PCNX1: variants seen among roughly 807,000 people sequenced by gnomAD.
PCNX1 encodes the protein pecanex-like protein 1.
PCNX1 carries 78 observed loss-of-function variants against 242.2 expected under a neutral mutation model. The observed-to-expected ratio is 0.32, with a 90% CI of 0.27 to 0.39. The LOEUF (loss-of-function observed/expected upper bound fraction) is 0.39, where lower values mean the gene tolerates loss of function less well. Ranked by LOEUF, PCNX1 falls within the 10% of genes least tolerant of loss-of-function variation. The probability of loss-of-function intolerance (pLI) is 1.00; values close to 1 mark genes in which losing one functional copy is unlikely to be tolerated. For synonymous variants in PCNX1, 1,024 were observed against 1,032.9 expected, an observed-to-expected ratio of 0.99 and a Z score of 0.17; for missense variants, 2,581 against 2,856.5, an observed-to-expected ratio of 0.90 and a Z score of 2.20.
intron 5 of PCNX1, among the ~76,000 whole-genome samples, chr14:70,976,354 C>CTCTTTCTT (rs370904774): frequency 2.2e-5 from 3 of 139,422 alleles, no homozygotes; most frequent in African/African-American, 8.1e-5. Context: ...TCCTTTGTTG[C>CTCTTTCTT]TCTTTCTTTC....
intron 1 of PCNX1, among the ~76,000 whole-genome samples, chr14:70,923,160 G>C (rs2056445324): frequency 6.6e-6 from 1 of 151,786 alleles, no homozygotes; most frequent in Non-Finnish European, 1.5e-5. Context: ...CTGAAACGTT[G>C]TTTTTCTGTG....
intron 1 of PCNX1, 173 bp from the exon 2 acceptor site, chr14:70,946,742 A>T (rs746743056): frequency 6.9e-6 from 4 of 575,762 alleles, no homozygotes; most frequent in Non-Finnish European, 1.2e-5. Flanking sequence ...AGCCACATGT[A>T]GCTAGTGTCT....
intron 19 of PCNX1, among the ~76,000 whole-genome samples, chr14:71,039,567 A>G (rs1361445180): frequency 6.6e-6 from 1 of 152,192 alleles, no homozygotes; most frequent in South Asian, 2.1e-4. Context: ...CATTTCTTCC[A>G]TATTCTGTTG....
At position 71,009,722 on chromosome 14, in the gene PCNX1, C is replaced by A; in HGVS notation, c.2718C>A (p.Ile906=). 6.4e-7 allele frequency: 1 copy of A among 1,574,534 alleles called. No individual in the cohort carries two copies. The change falls in exon 9 of 36, where the codon ATC becomes ATA. Residue 906 remains isoleucine (I), a splice_region_variant and synonymous_variant. Coordinates refer to ENST00000304743, the MANE Select transcript of PCNX1 (RefSeq NM_014982.3). ...FEPAARRASN[I]CDTDSHVSSS... is the part of the protein sequence containing the mutation. ...CAGCAGCAAGAAGAGCATCCAATAT[C>A]TGGTATGTGTGAAGTCATATTAGGA...
intron 1 of PCNX1, among the ~76,000 whole-genome samples, chr14:70,936,767 A>G (rs898817158): frequency 3.3e-5 from 5 of 152,080 alleles, no homozygotes; most frequent in African/African-American, 7.2e-5. Flanking sequence ...AAGTGTTCCT[A>G]TTTCTCCACA....
chr14:70,927,734 C>T (rs1012782234), intron 1 of PCNX1, among the ~76,000 whole-genome samples: 1 of 151,928 alleles, frequency 6.6e-6, no homozygotes, highest in Non-Finnish European at 1.5e-5. Context: ...AGATTACAGG[C>T]GTGCACCACC....
At chr14:71,092,277 C>T (rs2062154987) in intron 30 of PCNX1, among the ~76,000 whole-genome samples, 1 of 152,208 alleles carries the variant, frequency 6.6e-6, no homozygotes, top group African/African-American at 2.4e-5. Context: ...ACCTTTTCAT[C>T]TCATGTTGAA....
chr14:70,914,702 C>T (rs1297373458), intron 1 of PCNX1, among the ~76,000 whole-genome samples: 1 of 152,180 alleles, frequency 6.6e-6, no homozygotes, highest in African/African-American at 2.4e-5. Flanking sequence ...GTGTCTCTAT[C>T]TGTTTTATTC....
In PCNX1 at chr14:70,977,517, A is replaced by G; in HGVS notation, c.1180A>G (p.Asn394Asp). 1 of 1,614,216 alleles carries G rather than the reference A, an allele frequency of 6.2e-7. No individual in the cohort carries two copies. Among genetic ancestry groups the G allele is most frequent in the Non-Finnish European group, 8.5e-7 (1 of 1,180,036 alleles). The change falls in exon 6 of 36, where the codon AAC becomes GAC. Residue 394 changes from asparagine to aspartate, a missense_variant. Asn to Asp is a conservative substitution (Grantham distance 23). Coordinates refer to ENST00000304743, the MANE Select transcript of PCNX1 (RefSeq NM_014982.3). ...SYCSGTDRDT[N>D]STVSSYKSEQ... is the part of the protein sequence containing the mutation. ...CTGCAGTGGAACGGACCGGGACACT[A>G]ACAGTACTGTCAGCAGCTATAAAAG...
intron 24 of PCNX1, among the ~76,000 whole-genome samples, chr14:71,053,004 A>G (rs1285637794): frequency 1.3e-5 from 2 of 152,220 alleles, no homozygotes; most frequent in Non-Finnish European, 1.5e-5. Flanking sequence ...CATCTCCATG[A>G]CTGCCTTTCT....
chr14:71,010,327 C>CG (rs1595229420), intron 9 of PCNX1, among the ~76,000 whole-genome samples: 1 of 152,142 alleles, frequency 6.6e-6, no homozygotes, highest in East Asian at 1.9e-4. Context: ...TAAGTTCTTA[C>CG]ATAACTAAGT....
chr14:71,045,943 A>AAT (rs1343468809), intron 20 of PCNX1, among the ~76,000 whole-genome samples: 8 of 152,102 alleles, frequency 5.3e-5, no homozygotes, highest in Admixed American at 4.6e-4. Context: ...CATTATCTGT[A>AAT]ATATATTGTA....
chr14:71,050,667 T>C lies in PCNX1; in HGVS notation c.4354T>C (p.Tyr1452His). The C allele has an allele frequency of 1.2e-6, 2 of 1,605,876 alleles. No individual in the cohort carries two copies. The highest frequency in any genetic ancestry group is 1.7e-6 in the Non-Finnish European group (2 of 1,176,540). Residue 1452 changes from tyrosine to histidine, a missense_variant, in exon 23 of 36, where the codon TAT becomes CAT. Tyr to His is a moderately conservative substitution (Grantham distance 83). This residue lies in a region of PCNX1 where 99 missense variants were observed against 147.3 expected (regional missense o/e 0.67). Coordinates refer to ENST00000304743, the MANE Select transcript of PCNX1 (RefSeq NM_014982.3). Reference sequence around the variant, plus strand: ...CCTCCTGCAGCTTTGGGAACTACTTTATAAATTGCAGTTTGTGTATACCTA... The same window carrying C: ...CCTCCTGCAGCTTTGGGAACTACTTCATAAATTGCAGTTTGTGTATACCTA... Reference protein sequence around the residue: ...ILFNKLWELLYKLQFVYTYIA... With the variant: ...ILFNKLWELLHKLQFVYTYIA...
Position 71,108,869 on chromosome 14 carries a change from C to T in PCNX1, c.6567C>T (p.Gly2189=), listed in dbSNP as rs7155713. Residue 2189 remains glycine, a synonymous_variant, in exon 34 of 36, where the codon GGC becomes GGT. Coordinates refer to ENST00000304743, the MANE Select transcript of PCNX1 (RefSeq NM_014982.3). The stretch of plus-strand genomic sequence containing the variant: ...GCGGCCTGGCCTGTGTGCAGCACGG[C>T]CTGCCTTCCTCCAGCAGCTCCAGCC... ...GQSGLACVQH[G]LPSSSSSSQS... is the part of the protein sequence containing the mutation. 6.2e-7 allele frequency: 1 copy of T among 1,614,122 alleles called. No individual in the cohort carries two copies. Among genetic ancestry groups the T allele is most frequent in the Non-Finnish European group, 8.5e-7 (1 of 1,180,052 alleles).
chr14:70,929,299 C>T (rs2056703546), intron 1 of PCNX1, among the ~76,000 whole-genome samples: 1 of 151,954 alleles, frequency 6.6e-6, no homozygotes, highest in South Asian at 2.1e-4. Context: ...CTCTAGTCTA[C>T]CATATGACTA....
Position 71,115,366 on chromosome 14 carries a change from ATT to A in PCNX1, c.*5438_*5439del, listed in dbSNP as rs796396368. 4 of 152,506 alleles carry A rather than the reference ATT, an allele frequency of 2.6e-5. No homozygotes were observed. The highest frequency in any genetic ancestry group is 9.7e-5 in the African/African-American group (4 of 41,398). The allele number at this position is 152,506 out of a possible 1,614,324, so 9.4% of individuals were successfully genotyped here. A position where few individuals can be genotyped will look rare whatever the true frequency, so the allele number is the denominator to read the frequency against. ...AGTGGATAAAACACTGAGGAAATAA[ATT>A]TTTTTTCATTTTGCCTTCTGTCCAT... On this transcript the variant is annotated 3_prime_UTR_variant, in exon 36 of 36. Transcript: ENST00000304743.
At chr14:70,917,596 T>C (rs1390315155) in intron 1 of PCNX1, among the ~76,000 whole-genome samples, 2 of 152,216 alleles carry the variant, frequency 1.3e-5, no homozygotes, top group Non-Finnish European at 2.9e-5. Flanking sequence ...TAAACCATGC[T>C]GTAAACAGAT....
intron 22 of PCNX1, 96 bp from the exon 23 acceptor site, chr14:71,050,556 C>G: frequency 1.6e-5 from 17 of 1,095,332 alleles, no homozygotes; most frequent in Non-Finnish European, 2.2e-5. Flanking sequence ...ATTAGGAGAA[C>G]TTCTCCTAAT....
intron 1 of PCNX1, among the ~76,000 whole-genome samples, chr14:70,939,880 G>T (rs2057162745): frequency 6.6e-6 from 1 of 152,172 alleles, no homozygotes; most frequent in South Asian, 2.1e-4. Context: ...TTACCGTTAT[G>T]CAATGGCCTT....
Sources: gnomAD v4.1 joint callset for allele counts (sites outside exome capture counted in the v4.1 genomes callset) on GRCh38, gnomAD v4.1.1 for gene constraint, gnomAD v4.1.1 regional missense constraint, MANE v1.5 for transcripts, NCBI Gene and HGNC (gene_info 2026-07-23, HGNC 2026-07-21) for gene names.